Variants in HCRTR2 observed in about 807,000 individuals in gnomAD.
The protein encoded by HCRTR2 is orexin receptor type 2.
In HCRTR2, 22 loss-of-function variants were observed where a neutral mutation model predicts 49.0. The observed-to-expected ratio is 0.45, with a 90% CI of 0.32 to 0.64. The LOEUF is 0.64. Ranked by LOEUF, HCRTR2 falls within the 30% of genes least tolerant of loss-of-function variation. The pLI is 0.04. For synonymous variants in HCRTR2, 236 were observed against 205.3 expected, an observed-to-expected ratio of 1.15 and a Z score of -1.28; for missense variants, 491 against 559.4, an observed-to-expected ratio of 0.88 and a Z score of 1.23.
At chr6:55,230,892 C>A (rs972042116) in intron 1 of HCRTR2, among the ~76,000 whole-genome samples, 3 of 150,230 alleles carry the variant, frequency 2.0e-5, no homozygotes, top group Admixed American at 6.6e-5. Flanking sequence ...GACCAAGGTT[C>A]ATTCACTTCA....
At chr6:55,204,653 G>A (rs1454984604) in intron 1 of HCRTR2, among the ~76,000 whole-genome samples, 1 of 152,144 alleles carries the variant, frequency 6.6e-6, no homozygotes, top group Non-Finnish European at 1.5e-5. Context: ...AATGGATTGT[G>A]AGAAGTAATA....
intron 1 of HCRTR2, among the ~76,000 whole-genome samples, chr6:55,152,961 G>A (rs182073485): frequency 1.3e-5 from 2 of 151,974 alleles, no homozygotes; most frequent in African/African-American, 4.8e-5. Flanking sequence ...AGAAATCATC[G>A]CCAGAGCCAA....
At chr6:55,108,337 A>G (rs12189755) in intron 1 of HCRTR2, among the ~76,000 whole-genome samples, 8,205 of 152,036 alleles carry the variant, frequency 0.054, 322 homozygotes, top group African/African-American at 0.1. Context: ...CTACCACAGG[A>G]ACATACCAGT....
chr6:55,231,011 A>G (rs933867321), intron 1 of HCRTR2, among the ~76,000 whole-genome samples: 3 of 152,140 alleles, frequency 2.0e-5, no homozygotes, highest in African/African-American at 7.2e-5. Context: ...TAACTCTGAT[A>G]CCCATAGGCC....
rs1427336442 is a variant in HCRTR2, at chr6:55,114,298, A to AT, written c.-378+7755dup. ...TGAAAAAATAAAATATATCATTCAA[A>AT]TTAAAAAAAAGTGATAAACTTGTTC... On this transcript the variant is annotated intron_variant, in intron 1 of 7. Coordinates refer to the HCRTR2 transcript ENST00000615358. Among the ~76,000 whole-genome samples, 13 of 1,424 alleles carry AT rather than the reference A, an allele frequency of 9.1e-3. 3 individuals are homozygous for AT. The highest frequency in any genetic ancestry group is 0.062 in the South Asian group (1 of 16). 0.9% of individuals were successfully genotyped at this position (1,424 alleles called of 152,430 possible).
chr6:55,200,274 TG>T (rs1765490129), intron 1 of HCRTR2, among the ~76,000 whole-genome samples: 3 of 149,322 alleles, frequency 2.0e-5, no homozygotes, highest in South Asian at 2.1e-4. Context: ...TGTGTGTGTG[TG>T]TGTTTTTGAA....
Position 55,138,099 on chromosome 6 carries a change from ATAT to A in HCRTR2, c.-378+31556_-378+31558del, listed in dbSNP as rs554701279. 6.4e-3 allele frequency among the ~76,000 whole-genome samples: 981 copies of A among 152,336 alleles called. 5 individuals carry two copies. Among genetic ancestry groups the A allele is most frequent in the Non-Finnish European group, 9.6e-3 (652 of 68,028 alleles). On this transcript the variant is annotated intron_variant, in intron 1 of 7. Transcript: ENST00000615358. ...AGGAGCAATGATCACTTTTAGAAAT[ATAT>A]TTTTAAAGCTTATTTTGCATGATCA...
intron 1 of HCRTR2, among the ~76,000 whole-genome samples, chr6:55,146,251 A>G (rs978034411): frequency 7.9e-5 from 12 of 152,192 alleles, no homozygotes; most frequent in Non-Finnish European, 1.8e-4. Flanking sequence ...GATAATATAC[A>G]GTATAAGACA....
At chr6:55,126,924 C>T (rs755584230) in intron 1 of HCRTR2, among the ~76,000 whole-genome samples, 1 of 152,128 alleles carries the variant, frequency 6.6e-6, no homozygotes, top group Non-Finnish European at 1.5e-5. Flanking sequence ...CTCTACCAAG[C>T]TCAAGAGTCC....
chr6:55,180,446 G>C (rs1303481584), intron 1 of HCRTR2, among the ~76,000 whole-genome samples: 1 of 152,218 alleles, frequency 6.6e-6, no homozygotes, highest in South Asian at 2.1e-4. Flanking sequence ...TTTTCTGATA[G>C]ACTACAGTTC....
chr6:55,224,480 G>A (rs1420281276), intron 1 of HCRTR2, among the ~76,000 whole-genome samples: 1 of 151,924 alleles, frequency 6.6e-6, no homozygotes, highest in East Asian at 1.9e-4. Flanking sequence ...AAAATTAGCC[G>A]GGCATGGTGG....
intron 1 of HCRTR2, among the ~76,000 whole-genome samples, chr6:55,247,902 C>G (rs560915437): frequency 6.6e-6 from 1 of 152,198 alleles, no homozygotes; most frequent in South Asian, 2.1e-4. Context: ...ACAGTACTCT[C>G]ATTTTCACCA....
chr6:55,171,010 T>G (rs549658950), upstream of HCRTR2, among the ~76,000 whole-genome samples: 5 of 152,198 alleles, frequency 3.3e-5, no homozygotes, highest in Non-Finnish European at 5.9e-5. Context: ...GTTCCAAGTC[T>G]TTGCTATTGT....
At chr6:55,171,733 AT>A (rs554030267), upstream of HCRTR2, among the ~76,000 whole-genome samples, 114 of 152,308 alleles carry the variant, frequency 7.5e-4, 1 homozygote, top group African/African-American at 2.5e-3. Context: ...AATCTTGAAA[AT>A]ATTTTCATTT....
At chr6:55,246,608 A>G (rs1766448348) in intron 1 of HCRTR2, among the ~76,000 whole-genome samples, 1 of 152,046 alleles carries the variant, frequency 6.6e-6, no homozygotes, top group Non-Finnish European at 1.5e-5. Flanking sequence ...TTTCTGCTTC[A>G]ATCAAGAGGA....
In HCRTR2 at chr6:55,274,980, C is replaced by T. The variant is rs567752595; in HGVS notation, c.763-2400C>T. Reference sequence around the variant, plus strand: ...TCTGGGCCTGGAGATTTTCTTGTAGCATAGTTTGTAAGTACAGAGTCAGTT... The same window carrying T: ...TCTGGGCCTGGAGATTTTCTTGTAGTATAGTTTGTAAGTACAGAGTCAGTT... On this transcript the variant is annotated intron_variant, in intron 4 of 6. Coordinates refer to ENST00000370862, the MANE Select transcript of HCRTR2 (RefSeq NM_001384272.1). Among the ~76,000 whole-genome samples, 3 of 152,226 alleles carry T rather than the reference C, an allele frequency of 2.0e-5. No individual in the cohort carries two copies. In the South Asian group the frequency reaches 6.2e-4, roughly 32 times the overall value.
intron 1 of HCRTR2, among the ~76,000 whole-genome samples, chr6:55,127,208 C>T (rs1164005666): frequency 6.6e-6 from 1 of 152,096 alleles, no homozygotes. Flanking sequence ...GGGGTAGGCA[C>T]CAGAAGGAAT....
intron 1 of HCRTR2, among the ~76,000 whole-genome samples, chr6:55,122,117 A>G (rs1490057946): frequency 3.9e-5 from 6 of 152,074 alleles, no homozygotes; most frequent in Non-Finnish European, 5.9e-5. Flanking sequence ...TTGGTAAGCT[A>G]TTAATTATTG....
At chr6:55,232,942 C>T (rs1291417332) in intron 1 of HCRTR2, among the ~76,000 whole-genome samples, 2 of 152,000 alleles carry the variant, frequency 1.3e-5, no homozygotes, top group African/African-American at 4.8e-5. Context: ...AAAGATTAGG[C>T]TTTTTTATTT....
Sources: allele counts gnomAD v4.1 joint callset (sites outside exome capture counted in the v4.1 genomes callset), GRCh38; gene constraint gnomAD v4.1.1; transcripts MANE v1.5; gene names NCBI Gene and HGNC (gene_info 2026-07-23, HGNC 2026-07-21).